CUL7: variants seen among roughly 807,000 people sequenced by gnomAD.
CUL7 encodes cullin-7.
In CUL7, 96 loss-of-function variants were observed where a neutral mutation model predicts 177.7. The observed-to-expected ratio is 0.54, with a 90% CI of 0.46 to 0.64. CUL7 has a LOEUF of 0.64. Ranked by LOEUF, CUL7 falls within the 30% of genes least tolerant of loss-of-function variation. The probability of loss-of-function intolerance (pLI) is 0.00; values close to 1 mark genes in which losing one functional copy is unlikely to be tolerated. For synonymous variants in CUL7, 824 were observed against 890.2 expected (o/e 0.93, Z 1.32); for missense variants, 1,893 against 2,187.9 (o/e 0.87, Z 2.69).
Position 43,052,103 on chromosome 6 carries a change from A to G in CUL7, c.580+106T>C, listed in dbSNP as rs1561896808. 8 of 1,546,926 alleles carry G rather than the reference A, an allele frequency of 5.2e-6. No homozygotes were observed. The Admixed American group carries it at 9.8e-5, about 19-fold the overall frequency. ...ACTCTAAGAGAAGGGCAACAGAATC[A>G]TTTACGTACTGATGAGATCAGAGGC... On this transcript the variant is annotated intron_variant, in intron 2 of 25. Coordinates refer to ENST00000265348, the MANE Select transcript of CUL7 (RefSeq NM_014780.5). The surrounding 1 kb of genome is among the most constrained non-coding windows in gnomAD (Gnocchi z 4.5).
intron 22 of CUL7, among the ~76,000 whole-genome samples, chr6:43,039,772 C>T (rs920138601): frequency 4.0e-5 from 5 of 125,082 alleles, no homozygotes; most frequent in South Asian, 2.5e-4. Flanking sequence ...GATGGAGTCT[C>T]GCTGTCGCCC....
In CUL7 at chr6:43,040,150, G is replaced by A. The variant is rs759639798; in HGVS notation, c.4294+6C>T. ...CAGTCCCCAGTCCCTCTGCCTGGCT[G>A]CTCACTCTTGTTGTAGAAGTTGGAG... On this transcript the variant is annotated splice_donor_region_variant and intron_variant, in intron 22 of 25. Transcript: ENST00000265348. This position sits in a 1 kb window ranked among gnomAD's most constrained non-coding sequence, Gnocchi z 4.2. 1.2e-6 allele frequency: 2 copies of A among 1,614,128 alleles called. No individual in the cohort carries two copies. The highest frequency in any genetic ancestry group is 1.7e-6 in the Non-Finnish European group (2 of 1,180,010).
In CUL7 at chr6:43,038,363, G is replaced by A. The variant is rs1217088382; in HGVS notation, c.4677C>T (p.Asn1559=). ...TCAGAAGATTCCGTCTCTTCTCCAA[G>A]TTCTGGCCGTCTTCACCCTCAGCTT... ...YLQAEGEDGQ[N]LEKRRNLLNC... is the part of the protein sequence containing the mutation. Residue 1559 remains asparagine (N), a synonymous_variant, in exon 25 of 26, where the codon AAC becomes AAT. Transcript: ENST00000265348. The A allele has an allele frequency of 1.2e-6, 2 of 1,614,202 alleles. No individual in the cohort carries two copies. The highest frequency in any genetic ancestry group is 3.3e-5 in the Admixed American group (2 of 60,020).
rs779961392 is a variant in CUL7 at position 43,050,260 on chromosome 6, C to T, written c.1372G>A (p.Ala458Thr). 24 of 1,614,178 alleles carry T rather than the reference C, an allele frequency of 1.5e-5. No individual in the cohort carries two copies. In the South Asian group the frequency reaches 2.2e-4, roughly 15 times the overall value. The change falls in exon 5 of 26, where the codon GCC (alanine) becomes ACC (threonine). Residue 458 changes from alanine to threonine, a missense_variant and splice_region_variant. Around this residue, in one of 5 missense-constraint regions of CUL7, gnomAD observed 653 missense variants for 725.2 expected, o/e 0.90. Transcript: ENST00000265348. The surrounding 1 kb of genome is among the most constrained non-coding windows in gnomAD (Gnocchi z 4.1). ...GAVASRVLGR[A>T]LPAWRWRPMT... is the part of the protein sequence containing the mutation. ...ACCCTTGCTTCCTCCCTGAGCTCACCTCTACCCAGGACTCTACTGGCCACT... is the reference window on the plus strand; with the variant it reads ...ACCCTTGCTTCCTCCCTGAGCTCACTTCTACCCAGGACTCTACTGGCCACT...
chr6:43,051,238 C>G lies in CUL7; in HGVS notation c.963G>C (p.Arg321Ser). The G allele has an allele frequency of 6.2e-7, 1 of 1,614,002 alleles. No homozygotes were observed. The highest frequency in any genetic ancestry group is 1.3e-5 in the African/African-American group (1 of 75,026). Reference sequence around the variant, plus strand: ...TGGAACCGGGGGACCGTGCTGAGCTCCTTGGTCTGTCTGAGGCCTGGTCCC... The same window carrying G: ...TGGAACCGGGGGACCGTGCTGAGCTGCTTGGTCTGTCTGAGGCCTGGTCCC... Reference protein sequence around the residue: ...MRWDQASDRPRSSARSPGSIF... With the variant: ...MRWDQASDRPSSSARSPGSIF... Residue 321 changes from arginine (R) to serine (S), a missense_variant, in exon 4 of 26, where the codon AGG becomes AGC. Arg to Ser is a moderately radical substitution (Grantham distance 110). This residue lies in a region of CUL7 where 653 missense variants were observed against 725.2 expected (regional missense o/e 0.90). Coordinates refer to ENST00000265348, the MANE Select transcript of CUL7 (RefSeq NM_014780.5). This position sits in a 1 kb window ranked among gnomAD's most constrained non-coding sequence, Gnocchi z 5.0.
Position 43,045,787 on chromosome 6 carries a change from T to C in CUL7, c.2767-105A>G. ...CCCTCCCTTCCCCAGCCCTGGGATGTGTAGGGTCCTGACAAAGCTGTCCTC... is the reference window on the plus strand; with the variant it reads ...CCCTCCCTTCCCCAGCCCTGGGATGCGTAGGGTCCTGACAAAGCTGTCCTC... On this transcript the variant is annotated intron_variant, in intron 13 of 25. Coordinates refer to ENST00000265348, the MANE Select transcript of CUL7 (RefSeq NM_014780.5). This position sits in a 1 kb window ranked among gnomAD's most constrained non-coding sequence, Gnocchi z 4.8. 1.5e-6 allele frequency: 2 copies of C among 1,335,276 alleles called. No homozygotes were observed. The highest frequency in any genetic ancestry group is 2.4e-5 in the South Asian group (2 of 82,650). The allele number at this position is 1,335,276 out of a possible 1,614,324, so 82.7% of individuals were successfully genotyped here.
chr6:43,040,343 C>T lies in CUL7; in HGVS notation c.4107G>A (p.Glu1369=). 6.2e-7 allele frequency: 1 copy of T among 1,613,822 alleles called. No homozygotes were observed. The highest frequency in any genetic ancestry group is 8.5e-7 in the Non-Finnish European group (1 of 1,179,974). ...CATTCTCCTCCTCTTCCTCCTCTCCCTCCGCCACATCCACCACTGCTGCTG... is the reference window on the plus strand; with the variant it reads ...CATTCTCCTCCTCTTCCTCCTCTCCTTCCGCCACATCCACCACTGCTGCTG... ...AGAAAVVDVA[E]GEEEEEENED... Residue 1369 remains glutamate, a synonymous_variant, in exon 22 of 26, where the codon GAG becomes GAA. Transcript: ENST00000265348. This position sits in a 1 kb window ranked among gnomAD's most constrained non-coding sequence, Gnocchi z 4.2.
rs1764567400 is a variant in CUL7, at chr6:43,053,062, A to C, written c.-8-266T>G. ...GGCCTGGAGTGGGTTGATATGGAACAGTGGGCGGACTAGTGGGGGCAGGGC... is the reference window on the plus strand; with the variant it reads ...GGCCTGGAGTGGGTTGATATGGAACCGTGGGCGGACTAGTGGGGGCAGGGC... On this transcript the variant is annotated intron_variant, in intron 1 of 25. Transcript: ENST00000265348. The surrounding 1 kb of genome is among the most constrained non-coding windows in gnomAD (Gnocchi z 4.1). 6.6e-6 allele frequency among the ~76,000 whole-genome samples: 1 copy of C among 152,128 alleles called. No individual in the cohort carries two copies. Among genetic ancestry groups the C allele is most frequent in the African/African-American group, 2.4e-5 (1 of 41,440 alleles).
At chr6:43,049,265 C>G in intron 7 of CUL7, 142 bp downstream of exon 7, 1 of 1,059,938 alleles carries the variant, frequency 9.4e-7, no homozygotes. Flanking sequence ...ATGCCTGCTT[C>G]TCCGTTTGTT....
At position 43,043,475 on chromosome 6, in the gene CUL7, G is replaced by C; in HGVS notation, c.3328C>G (p.Pro1110Ala). Residue 1110 changes from proline (P) to alanine (A), a missense_variant, in exon 17 of 26, where the codon CCT (proline) becomes GCT (alanine). Coordinates refer to ENST00000265348, the MANE Select transcript of CUL7 (RefSeq NM_014780.5). This position sits in a 1 kb window ranked among gnomAD's most constrained non-coding sequence, Gnocchi z 4.2. The stretch of plus-strand genomic sequence containing the variant: ...GGCCGAGGAGTGGCCACCACAGGAG[G>C]GGGTGCCTCACAGGGCTCGACATGC... ...LVHVEPCEAP[P>A]PVVATPRPKG... 6.2e-7 allele frequency: 1 copy of C among 1,614,020 alleles called. No homozygotes were observed.
chr6:43,051,257 T>G lies in CUL7; in HGVS notation c.944A>C (p.Gln315Pro), dbSNP rs530536356. The G allele has an allele frequency of 1.9e-6, 3 of 1,613,030 alleles. No individual in the cohort carries two copies. The highest frequency in any genetic ancestry group is 2.5e-6 in the Non-Finnish European group (3 of 1,179,324). ...SELVQAMRWDQASDRPRSSAR... is the reference protein window; with the variant it reads ...SELVQAMRWDPASDRPRSSAR... ...TGAGCTCCTTGGTCTGTCTGAGGCC[T>G]GGTCCCAGCGCATGGCTTGCACCAG... Residue 315 changes from glutamine to proline, a missense_variant, in exon 4 of 26, where the codon CAG becomes CCG. Physicochemically the swap from Gln to Pro is moderately conservative, Grantham distance 76. Transcript: ENST00000265348. This position sits in a 1 kb window ranked among gnomAD's most constrained non-coding sequence, Gnocchi z 5.0.
rs760614187 is a variant in CUL7 at position 43,047,149 on chromosome 6, G to A, written c.2170-42C>T. 24 of 1,215,944 alleles carry A rather than the reference G, an allele frequency of 2.0e-5. No homozygotes were observed. In the East Asian group the frequency reaches 3.5e-4, roughly 18 times the overall value. 75.3% of individuals were successfully genotyped at this position (1,215,944 alleles called of 1,614,324 possible). A position where few individuals can be genotyped will look rare whatever the true frequency, so the allele number is the denominator to read the frequency against. ...GGGAGGAGATGAATGAAGACAGGGCGAGGGCCACAAGGGCACCTGCAGTAG... is the reference window on the plus strand; with the variant it reads ...GGGAGGAGATGAATGAAGACAGGGCAAGGGCCACAAGGGCACCTGCAGTAG... On this transcript the variant is annotated intron_variant, in intron 9 of 25. Coordinates refer to ENST00000265348, the MANE Select transcript of CUL7 (RefSeq NM_014780.5).
In CUL7 at chr6:43,051,634, A is replaced by G; in HGVS notation, c.710T>C (p.Phe237Ser). 1 of 1,614,164 alleles carries G rather than the reference A, an allele frequency of 6.2e-7. No homozygotes were observed. The highest frequency in any genetic ancestry group is 8.5e-7 in the Non-Finnish European group (1 of 1,180,030). The change falls in exon 3 of 26, where the codon TTC (phenylalanine) becomes TCC (serine). Residue 237 changes from phenylalanine to serine, a missense_variant. Transcript: ENST00000265348. The surrounding 1 kb of genome is among the most constrained non-coding windows in gnomAD (Gnocchi z 5.0). ...TACCTGTGGTAGCTGAATGCCCTCG[A>G]AAGACATGGGGTGTTCAGAGAGCGT... is the stretch of plus-strand genomic sequence containing the variant. ...QATLSEHPMS[F>S]EGIQLPQVPG...
At position 43,038,954 on chromosome 6, in the gene CUL7, T is replaced by A; in HGVS notation, c.4328A>T (p.Gln1443Leu). 1 of 1,612,978 alleles carries A rather than the reference T, an allele frequency of 6.2e-7. No homozygotes were observed. The highest frequency in any genetic ancestry group is 8.5e-7 in the Non-Finnish European group (1 of 1,178,970). Residue 1443 changes from glutamine to leucine, a missense_variant, in exon 23 of 26, where the codon CAG becomes CTG. Physicochemically the swap from Gln to Leu is moderately radical, Grantham distance 113. Transcript: ENST00000265348. The part of the protein sequence containing the change: ...QSHPALERGS[Q>L]RRLQWTWLGW... ...CAGCCACGTCCACTGCAGTCGCCTC[T>A]GTGAGCCTCGCTCAAGGGCAGGGTG...
chr6:43,037,937 G>A lies in CUL7; in HGVS notation c.4848C>T (p.Cys1616=), dbSNP rs149214556. 5.0e-6 allele frequency: 8 copies of A among 1,604,738 alleles called. No homozygotes were observed. In the African/African-American group the frequency reaches 8.0e-5, roughly 16 times the overall value. ...TGCAGGAGAGGACGTCAGTGCTGCT[G>A]CATGCAGACCCCTTACCAAGGCTGC... ...LVSSLGKGSA[C]SSTDVLSCIL... The change falls in exon 26 of 26, where the codon TGC becomes TGT. Residue 1616 remains cysteine, a synonymous_variant. Transcript: ENST00000265348.
In CUL7 at chr6:43,044,895, A is replaced by G; in HGVS notation, c.3039-10T>C. On this transcript the variant is annotated splice_polypyrimidine_tract_variant and intron_variant, in intron 15 of 25. Coordinates refer to ENST00000265348, the MANE Select transcript of CUL7 (RefSeq NM_014780.5). ...CAGAGCACCGTTGAGTCTGGGGGTG[A>G]GAATGGAGGAGGAAGGTGTCAGGGG... is the stretch of plus-strand genomic sequence containing the variant. 1 of 1,611,372 alleles carries G rather than the reference A, an allele frequency of 6.2e-7. No homozygotes were observed. Among genetic ancestry groups the G allele is most frequent in the South Asian group, 1.1e-5 (1 of 90,982 alleles).
chr6:43,051,283 C>G lies in CUL7; in HGVS notation c.918G>C (p.Glu306Asp), dbSNP rs749538710. The change falls in exon 4 of 26, where the codon GAG becomes GAC. Residue 306 changes from glutamate (E) to aspartate (D), a missense_variant. Glu to Asp is a conservative substitution (Grantham distance 45). This residue lies in a region of CUL7 where 653 missense variants were observed against 725.2 expected (regional missense o/e 0.90). Coordinates refer to ENST00000265348, the MANE Select transcript of CUL7 (RefSeq NM_014780.5). The surrounding 1 kb of genome is among the most constrained non-coding windows in gnomAD (Gnocchi z 5.0). Reference protein sequence around the residue: ...FSMAMGTLISELVQAMRWDQA... With the variant: ...FSMAMGTLISDLVQAMRWDQA... ...GGTCCCAGCGCATGGCTTGCACCAG[C>G]TCCGAGATCAGGGTGCCCATGGCCA... is the stretch of plus-strand genomic sequence containing the variant. 28 of 1,610,720 alleles carry G rather than the reference C, an allele frequency of 1.7e-5. 2 individuals carry two copies. The South Asian group carries it at 2.9e-4, about 16-fold the overall frequency.
intron 7 of CUL7, among the ~76,000 whole-genome samples, 154 bp downstream of exon 7, chr6:43,049,252 AC>A (rs1764198615): frequency 6.6e-6 from 1 of 152,170 alleles, no homozygotes; most frequent in Non-Finnish European, 1.5e-5. Flanking sequence ...TTGAGGGAAC[AC>A]AATGCCTGCT....
chr6:43,042,345 C>T (rs202110415), intron 19 of CUL7, among the ~76,000 whole-genome samples: 3,305 of 151,160 alleles, frequency 0.022, 36 homozygotes, highest in South Asian at 0.029. Context: ...TTGTTTTTTT[C>T]TTTTTTTTGA....
Sources: allele counts gnomAD v4.1 joint callset (sites outside exome capture counted in the v4.1 genomes callset), GRCh38; gene constraint gnomAD v4.1.1; regional missense constraint gnomAD v4.1.1; non-coding constraint Gnocchi (gnomAD v3.1); transcripts MANE v1.5; gene names NCBI Gene and HGNC (gene_info 2026-07-23, HGNC 2026-07-21).